Variants in AKR1C8 observed in about 807,000 individuals in gnomAD.
AKR1C8 encodes the protein aldo-keto reductase family 1 member C-like protein 1.
At chr10:5,132,495 G>T in the AKR1C8 span, 1 of 1,077,886 alleles carries the variant, frequency 9.3e-7, no homozygotes, top group Non-Finnish European at 1.2e-6. Context: ...CAATAAATTG[G>T]AACCAATAAG....
At chr10:5,134,050 T>C in the AKR1C8 span, among the ~76,000 whole-genome samples, 1 of 152,220 alleles carries the variant, frequency 6.6e-6, no homozygotes, top group Non-Finnish European at 1.5e-5. Context: ...GGTACATTTT[T>C]TAAACAACAA....
At chr10:5,147,537 C>CA in the AKR1C8 span, among the ~76,000 whole-genome samples, 6,554 of 145,494 alleles carry the variant, frequency 0.045, 360 homozygotes, top group African/African-American at 0.13. Flanking sequence ...AAAAATTAAC[C>CA]AAAAAAAAAA....
At chr10:5,178,138 C>A in the AKR1C8 span, among the ~76,000 whole-genome samples, 2 of 152,148 alleles carry the variant, frequency 1.3e-5, no homozygotes, top group Middle Eastern at 3.2e-3. Context: ...TTTCCCTCTA[C>A]ACACTGCTTT....
At chr10:5,141,674 T>G in the AKR1C8 span, among the ~76,000 whole-genome samples, 1 of 152,186 alleles carries the variant, frequency 6.6e-6, no homozygotes, top group East Asian at 1.9e-4. Context: ...ATTAGAACTC[T>G]TTATTAACCA....
At chr10:5,136,733 T>C in the AKR1C8 span, among the ~76,000 whole-genome samples, 2 of 152,198 alleles carry the variant, frequency 1.3e-5, no homozygotes, top group African/African-American at 2.4e-5. Flanking sequence ...GATGCAACTA[T>C]ATGTTCTGAA....
the AKR1C8 span, among the ~76,000 whole-genome samples, chr10:5,170,261 AAAT>A: frequency 1.3e-5 from 2 of 152,150 alleles, no homozygotes; most frequent in East Asian, 3.9e-4. Flanking sequence ...AAACAGTAGA[AAAT>A]AATAAAAAGT....
chr10:5,161,273 T>C, the AKR1C8 span, among the ~76,000 whole-genome samples: 2 of 152,182 alleles, frequency 1.3e-5, no homozygotes, highest in African/African-American at 4.8e-5. Context: ...GTGCTTAATA[T>C]AGCTATTCAT....
At chr10:5,121,274 T>G in the AKR1C8 span, among the ~76,000 whole-genome samples, 2 of 152,154 alleles carry the variant, frequency 1.3e-5, no homozygotes, top group Admixed American at 1.3e-4. Flanking sequence ...TTAAGGGATG[T>G]TGGGTTCCCC....
the AKR1C8 span, among the ~76,000 whole-genome samples, chr10:5,170,943 G>A: frequency 4.6e-5 from 7 of 152,014 alleles, no homozygotes; most frequent in African/African-American, 1.7e-4. Flanking sequence ...TTTGTTTATG[G>A]GAGTAAACTA....
the AKR1C8 span, among the ~76,000 whole-genome samples, chr10:5,118,992 T>C: frequency 2.0e-5 from 3 of 152,060 alleles, no homozygotes; most frequent in Admixed American, 2.0e-4. Flanking sequence ...ACTTATCAAA[T>C]GTGCGGAAAT....
the AKR1C8 span, among the ~76,000 whole-genome samples, chr10:5,125,061 C>T: frequency 1.3e-4 from 20 of 150,550 alleles, no homozygotes; most frequent in Middle Eastern, 6.9e-3. Context: ...TTTGTTTTCA[C>T]GATACATCTT....
chr10:5,179,864 T>C, the AKR1C8 span, among the ~76,000 whole-genome samples: 1 of 152,198 alleles, frequency 6.6e-6, no homozygotes, highest in Non-Finnish European at 1.5e-5. Flanking sequence ...TTATTCTAGT[T>C]ATACATTCAT....
At chr10:5,184,751 T>G in the AKR1C8 span, among the ~76,000 whole-genome samples, 25 of 152,226 alleles carry the variant, frequency 1.6e-4, no homozygotes, top group Non-Finnish European at 2.9e-4. Flanking sequence ...TTAGGTAACA[T>G]TGATACTTTT....
the AKR1C8 span, among the ~76,000 whole-genome samples, chr10:5,172,450 A>G: frequency 6.6e-6 from 1 of 152,216 alleles, no homozygotes; most frequent in Non-Finnish European, 1.5e-5. Flanking sequence ...TAGACTGCCT[A>G]AGGCCACAAG....
At chr10:5,175,046 C>T in the AKR1C8 span, among the ~76,000 whole-genome samples, 240 of 151,886 alleles carry the variant, frequency 1.6e-3, 7 homozygotes, top group South Asian at 0.045. Flanking sequence ...TATACATGTG[C>T]CATGCTGATG....
chr10:5,161,855 C>G, the AKR1C8 span: 1 of 534,660 alleles, frequency 1.9e-6, no homozygotes, highest in South Asian at 1.4e-5. Flanking sequence ...CAAAAGCTGA[C>G]CTTCATAGCA....
At chr10:5,139,143 A>G in the AKR1C8 span, among the ~76,000 whole-genome samples, 1 of 152,216 alleles carries the variant, frequency 6.6e-6, no homozygotes, top group African/African-American at 2.4e-5. Flanking sequence ...CCACTGCTCA[A>G]TGAAATAAAA....
chr10:5,164,292 C>G, the AKR1C8 span, among the ~76,000 whole-genome samples: 3 of 152,076 alleles, frequency 2.0e-5, no homozygotes, highest in Non-Finnish European at 4.4e-5. Context: ...CAGACCCAAC[C>G]TCACAGATGA....
chr10:5,135,585 A>G, the AKR1C8 span, among the ~76,000 whole-genome samples: 2 of 152,092 alleles, frequency 1.3e-5, no homozygotes, highest in Non-Finnish European at 2.9e-5. Flanking sequence ...TCTATCATCT[A>G]TCATCTGTCT....
Sources: allele counts gnomAD v4.1 joint callset (sites outside exome capture counted in the v4.1 genomes callset), GRCh38; gene constraint gnomAD v4.1.1; transcripts MANE v1.5; gene names NCBI Gene and HGNC (gene_info 2026-07-23, HGNC 2026-07-21).